Variants in PRELID2 observed in about 807,000 individuals in gnomAD.
PRELID2 encodes the protein PRELI domain containing 2.
In PRELID2, 25 loss-of-function variants were observed where a neutral mutation model predicts 28.4. The ratio of observed to expected loss-of-function variants is 0.88; its 90% CI spans 0.64 to 1.23. PRELID2 has a LOEUF of 1.23. Ranked by LOEUF, PRELID2 falls within the 50% of genes most tolerant of loss-of-function variation. The probability of loss-of-function intolerance (pLI) is 0.00; values close to 1 mark genes in which losing one functional copy is unlikely to be tolerated. For missense variants in PRELID2, 201 were observed against 214.4 expected, an observed-to-expected ratio of 0.94 and a Z score of 0.39; for synonymous variants, 76 against 71.6, an observed-to-expected ratio of 1.06 and a Z score of -0.31.
the PRELID2 span, among the ~76,000 whole-genome samples, chr5:145,328,021 G>A: frequency 6.6e-6 from 1 of 151,928 alleles, no homozygotes; most frequent in African/African-American, 2.4e-5. Flanking sequence ...ACTTACAAGT[G>A]AGAACATGTG....
the PRELID2 span, among the ~76,000 whole-genome samples, chr5:145,255,532 G>C: frequency 5.9e-5 from 9 of 151,972 alleles, no homozygotes; most frequent in Non-Finnish European, 1.2e-4. Context: ...CCAATGCTTT[G>C]GGAGGCAGAG....
chr5:145,810,094 T>C (rs1370723805), intron 4 of PRELID2, among the ~76,000 whole-genome samples: 2 of 152,176 alleles, frequency 1.3e-5, no homozygotes, highest in Non-Finnish European at 2.9e-5. Flanking sequence ...ACCATGACTT[T>C]TTTCTTCCTT....
chr5:145,613,871 T>A (rs1391641734), intron 1 of PRELID2, among the ~76,000 whole-genome samples: 1 of 152,206 alleles, frequency 6.6e-6, no homozygotes, highest in Non-Finnish European at 1.5e-5. Context: ...GCTTTTGGGT[T>A]CTTGGTCATG....
intron 1 of PRELID2, among the ~76,000 whole-genome samples, chr5:145,743,239 T>A (rs139592211): frequency 1.3e-3 from 203 of 151,320 alleles, no homozygotes; most frequent in African/African-American, 4.0e-3. Flanking sequence ...TGAAACCTTG[T>A]CTCTAACAAA....
intron 1 of PRELID2, among the ~76,000 whole-genome samples, chr5:145,640,213 G>A (rs923931206): frequency 6.6e-5 from 10 of 152,000 alleles, no homozygotes; most frequent in Non-Finnish European, 7.4e-5. Flanking sequence ...GCGGCCGGGC[G>A]CGGTGGCTCA....
At chr5:145,431,090 C>T in the PRELID2 span, among the ~76,000 whole-genome samples, 1 of 145,446 alleles carries the variant, frequency 6.9e-6, no homozygotes, top group Non-Finnish European at 1.5e-5. Context: ...ATGTTATGGC[C>T]CAGAGAACCT....
intron 1 of PRELID2, among the ~76,000 whole-genome samples, chr5:145,531,009 T>C (rs1004865786): frequency 2.6e-5 from 4 of 152,200 alleles, no homozygotes; most frequent in African/African-American, 7.2e-5. Context: ...TTTTGTTTTT[T>C]AATTGGAAGT....
chr5:145,285,385 C>T, the PRELID2 span, among the ~76,000 whole-genome samples: 5 of 152,172 alleles, frequency 3.3e-5, no homozygotes, highest in Non-Finnish European at 5.9e-5. Context: ...TCTCCATCCC[C>T]GAAGCTCCCC....
chr5:145,237,515 T>G, the PRELID2 span, among the ~76,000 whole-genome samples: 1 of 152,086 alleles, frequency 6.6e-6, no homozygotes, highest in Non-Finnish European at 1.5e-5. Context: ...ATTGGCATAA[T>G]CAATTATTAA....
At chr5:145,464,555 G>T in the PRELID2 span, among the ~76,000 whole-genome samples, 1 of 152,078 alleles carries the variant, frequency 6.6e-6, no homozygotes, top group Non-Finnish European at 1.5e-5. Context: ...TTCTCATAGG[G>T]GATAGTTAGC....
At chr5:145,435,898 A>G in the PRELID2 span, among the ~76,000 whole-genome samples, 33 of 152,218 alleles carry the variant, frequency 2.2e-4, no homozygotes, top group Admixed American at 7.8e-4. Context: ...CATTTTTTTC[A>G]CATATAGACT....
chr5:145,566,433 G>A (rs1294868395), intron 1 of PRELID2, among the ~76,000 whole-genome samples: 2 of 152,026 alleles, frequency 1.3e-5, no homozygotes, highest in Admixed American at 6.6e-5. Flanking sequence ...ATACACCTCT[G>A]AGAAGCAATA....
intron 1 of PRELID2, among the ~76,000 whole-genome samples, chr5:145,710,463 T>C (rs1412363896): frequency 6.6e-6 from 1 of 152,218 alleles, no homozygotes; most frequent in Non-Finnish European, 1.5e-5. Context: ...TAAAAGATTC[T>C]TCTAGCTCTA....
chr5:145,337,686 A>AATATATATATATAT, the PRELID2 span, among the ~76,000 whole-genome samples: 3 of 79,862 alleles, frequency 3.8e-5, no homozygotes, highest in African/African-American at 1.0e-4. Context: ...GCATAGGGCA[A>AATATATATATATAT]ATATATATAT....
the PRELID2 span, among the ~76,000 whole-genome samples, chr5:145,385,988 G>A: frequency 1.3e-5 from 2 of 152,078 alleles, no homozygotes; most frequent in East Asian, 3.9e-4. Flanking sequence ...AACGTGGGAG[G>A]TGATTGGATC....
At chr5:145,402,433 G>A in the PRELID2 span, among the ~76,000 whole-genome samples, 83 of 152,234 alleles carry the variant, frequency 5.5e-4, 1 homozygote, top group South Asian at 4.6e-3. Flanking sequence ...TGGATTTAGG[G>A]CAAAAACTGA....
intron 1 of PRELID2, among the ~76,000 whole-genome samples, chr5:145,698,535 C>A (rs1486535818): frequency 7.2e-5 from 11 of 152,166 alleles, no homozygotes. Context: ...GATCAAGGTG[C>A]CAGCCAATTT....
At chr5:145,765,098 G>T in intron 5 of PRELID2, 98 bp from the exon 6 acceptor site, 2 of 789,460 alleles carry the variant, frequency 2.5e-6, no homozygotes, top group Non-Finnish European at 4.0e-6. Flanking sequence ...CCAGGTCATG[G>T]CCATATATTC....
intron 1 of PRELID2, among the ~76,000 whole-genome samples, chr5:145,657,341 G>A (rs968678590): frequency 1.1e-4 from 16 of 152,144 alleles, no homozygotes; most frequent in Non-Finnish European, 1.9e-4. Context: ...GGCATGCTCA[G>A]ATGTGAAAAT....
Sources: allele counts gnomAD v4.1 joint callset (sites outside exome capture counted in the v4.1 genomes callset), GRCh38; gene constraint gnomAD v4.1.1; transcripts MANE v1.5; gene names NCBI Gene and HGNC (gene_info 2026-07-23, HGNC 2026-07-21).